Variants in COL14A1 observed in about 807,000 individuals in gnomAD.
COL14A1 encodes collagen alpha-1(XIV) chain.
A neutral mutation model predicts 230.3 loss-of-function variants in COL14A1; 136 were observed. That is an observed-to-expected ratio of 0.59 (90% confidence interval 0.51 to 0.68). The LOEUF is 0.68. COL14A1 is among the 30% of genes least tolerant of loss of function. COL14A1 has a pLI of 0.00. For synonymous variants in COL14A1, 792 were observed against 784.1 expected, an observed-to-expected ratio of 1.01 and a Z score of -0.17; for missense variants, 1,976 against 2,215.8, an observed-to-expected ratio of 0.89 and a Z score of 2.17.
At chr8:120,190,405 G>A (rs1390891502) in intron 5 of COL14A1, among the ~76,000 whole-genome samples, 1 of 152,062 alleles carries the variant, frequency 6.6e-6, no homozygotes, top group African/African-American at 2.4e-5. Context: ...AGATGAGTAG[G>A]ATGCGAACAT....
chr8:120,272,529 A>G (rs1004523539), intron 26 of COL14A1, among the ~76,000 whole-genome samples: 1 of 151,688 alleles, frequency 6.6e-6, no homozygotes, highest in Non-Finnish European at 1.5e-5. Flanking sequence ...CAAACCAAAT[A>G]TCTGCTATCT....
intron 40 of COL14A1, among the ~76,000 whole-genome samples, chr8:120,331,068 G>A (rs1000356031): frequency 7.1e-6 from 1 of 141,208 alleles, no homozygotes; most frequent in Non-Finnish European, 1.5e-5. Context: ...TCGTGCCATT[G>A]CACTCCAGCC....
chr8:120,158,075 C>A, intron 2 of COL14A1, 55 bp from the exon 3 acceptor site: 1 of 974,562 alleles, frequency 1.0e-6, no homozygotes, highest in Non-Finnish European at 1.6e-6. Flanking sequence ...TCTGATTTAA[C>A]AAATAGAAGC....
At chr8:120,224,485 T>C (rs932857271) in intron 14 of COL14A1, among the ~76,000 whole-genome samples, 1 of 152,194 alleles carries the variant, frequency 6.6e-6, no homozygotes, top group Non-Finnish European at 1.5e-5. Context: ...CTTTTTTCAA[T>C]GTATGTTTTT....
chr8:120,296,908 C>A (rs1820546853), intron 34 of COL14A1, among the ~76,000 whole-genome samples: 1 of 152,002 alleles, frequency 6.6e-6, no homozygotes, highest in South Asian at 2.1e-4. Context: ...TCCCCTCTCA[C>A]TCCCTGTAAG....
intron 36 of COL14A1, among the ~76,000 whole-genome samples, chr8:120,303,490 G>C (rs141691859): frequency 2.4e-4 from 37 of 152,270 alleles, no homozygotes; most frequent in African/African-American, 8.4e-4. Flanking sequence ...CATCTATTGA[G>C]ATAATTACGT....
intron 1 of COL14A1, among the ~76,000 whole-genome samples, chr8:120,143,831 G>A (rs990728229): frequency 1.3e-5 from 2 of 151,474 alleles, no homozygotes; most frequent in African/African-American, 4.9e-5. Flanking sequence ...TAATAGTATG[G>A]AGATACTAGA....
At chr8:120,177,124 C>G (rs943025916) in intron 5 of COL14A1, among the ~76,000 whole-genome samples, 1 of 152,042 alleles carries the variant, frequency 6.6e-6, no homozygotes, top group Middle Eastern at 3.2e-3. Flanking sequence ...CCTGCCCACT[C>G]AAGAAATTAA....
intron 5 of COL14A1, among the ~76,000 whole-genome samples, chr8:120,188,961 T>C (rs1350497858): frequency 1.3e-5 from 2 of 152,238 alleles, no homozygotes; most frequent in Non-Finnish European, 2.9e-5. Context: ...ATATTCTTTC[T>C]GATTGATGTC....
At chr8:120,254,443 A>T (rs1371805845) in intron 22 of COL14A1, among the ~76,000 whole-genome samples, 1 of 152,118 alleles carries the variant, frequency 6.6e-6, no homozygotes, top group Non-Finnish European at 1.5e-5. Context: ...GTCCTTGTGA[A>T]ACTGCTCCTG....
intron 15 of COL14A1, among the ~76,000 whole-genome samples, chr8:120,225,424 C>A (rs1388243016): frequency 6.6e-6 from 1 of 152,100 alleles, no homozygotes; most frequent in East Asian, 1.9e-4. Flanking sequence ...AGAGAAAAGA[C>A]CACCTAAATT....
Position 120,158,130 on chromosome 8 carries a change from T to G in COL14A1, c.89T>G (p.Val30Gly). The G allele has an allele frequency of 6.6e-7, 1 of 1,518,788 alleles. No homozygotes were observed. The highest frequency in any genetic ancestry group is 1.4e-5 in the African/African-American group (1 of 71,758). The allele number at this position is 1,518,788 out of a possible 1,614,324, so 94.1% of individuals were successfully genotyped here. ...CATCATTTTTGTTCTTCCTTTTCAG[T>G]GGCTCCACCCACAAGGTTAAGATAT... ...VYFCTIVQGQ[V>G]APPTRLRYNV... Residue 30 changes from valine to glycine, a missense_variant and splice_region_variant, in exon 3 of 48, where the codon GTG becomes GGG. Transcript: ENST00000297848.
chr8:120,137,967 C>A (rs1207400065), intron 1 of COL14A1, among the ~76,000 whole-genome samples: 2 of 151,808 alleles, frequency 1.3e-5, no homozygotes, highest in African/African-American at 2.4e-5. Flanking sequence ...GTTTTTCAAT[C>A]TTTTGAAATT....
chr8:120,287,092 T>C (rs1227390735), intron 33 of COL14A1, among the ~76,000 whole-genome samples: 1 of 152,208 alleles, frequency 6.6e-6, no homozygotes, highest in Non-Finnish European at 1.5e-5. Flanking sequence ...GCATAGCAAT[T>C]TTCTTGGCTC....
At chr8:120,360,977 C>T (rs571885453) in intron 45 of COL14A1, among the ~76,000 whole-genome samples, 1 of 152,272 alleles carries the variant, frequency 6.6e-6, no homozygotes, top group Admixed American at 6.5e-5. Context: ...AGCCACCACC[C>T]CTCTGCACCC....
At chr8:120,255,405 A>T in intron 23 of COL14A1, 49 bp downstream of exon 23, 1 of 1,361,662 alleles carries the variant, frequency 7.3e-7, no homozygotes, top group Non-Finnish European at 1.1e-6. Flanking sequence ...TGTGTATTTG[A>T]TTCTTTGCAC....
chr8:120,371,049 C>T, intron 47 of COL14A1, 103 bp from the exon 48 acceptor site: 1 of 1,111,982 alleles, frequency 9.0e-7, no homozygotes, highest in Non-Finnish European at 1.3e-6. Flanking sequence ...CTGCTTTTTA[C>T]CCAGCAGGAT....
At chr8:120,172,826 A>G (rs574111818) in intron 5 of COL14A1, among the ~76,000 whole-genome samples, 10 of 152,226 alleles carry the variant, frequency 6.6e-5, no homozygotes, top group East Asian at 5.8e-4. Context: ...ATCAAATACA[A>G]CTTCCCACCT....
intron 19 of COL14A1, among the ~76,000 whole-genome samples, chr8:120,238,733 G>C (rs1304108496): frequency 6.6e-6 from 1 of 152,174 alleles, no homozygotes; most frequent in Non-Finnish European, 1.5e-5. Context: ...GGGCCCTGGT[G>C]GTATAGGCAC....
Sources: allele counts gnomAD v4.1 joint callset (sites outside exome capture counted in the v4.1 genomes callset), GRCh38; gene constraint gnomAD v4.1.1; transcripts MANE v1.5; gene names NCBI Gene and HGNC (gene_info 2026-07-23, HGNC 2026-07-21).